The following SLC6A2 variants were observed in gnomAD, a reference collection of about 807,000 sequenced individuals.
SLC6A2 encodes the protein solute carrier family 6 member 2.
A neutral mutation model predicts 71.7 loss-of-function variants in SLC6A2; 26 were observed. The ratio of observed to expected loss-of-function variants is 0.36; its 90% CI spans 0.27 to 0.50. The LOEUF (loss-of-function observed/expected upper bound fraction) is 0.50. Among genes scored for constraint, SLC6A2 ranks in the 20% least tolerant of loss-of-function variants. SLC6A2 has a pLI of 0.96. For missense variants in SLC6A2, 581 were observed against 803.9 expected (o/e 0.72, Z 3.35); for synonymous variants, 363 against 337.9 (o/e 1.07, Z -0.82).
intron 4 of SLC6A2, among the ~76,000 whole-genome samples, chr16:55,683,607 C>G (rs1430891099): frequency 7.3e-6 from 1 of 136,496 alleles, no homozygotes; most frequent in Non-Finnish European, 1.6e-5. Flanking sequence ...TAGTGAAACT[C>G]CGTCTCAAAC....
intron 6 of SLC6A2, 150 bp from the exon 7 acceptor site, chr16:55,693,860 G>A (rs747934547): frequency 1.2e-5 from 9 of 726,968 alleles, no homozygotes; most frequent in Non-Finnish European, 2.3e-5. Flanking sequence ...GGATGCAGGG[G>A]AGGGAGTTGC....
At chr16:55,690,912 T>C (rs1965598226) in intron 5 of SLC6A2, among the ~76,000 whole-genome samples, 1 of 152,090 alleles carries the variant, frequency 6.6e-6, no homozygotes. Flanking sequence ...TCCTCCAACC[T>C]GGACAAGGGG....
In SLC6A2 at chr16:55,656,383, C is replaced by A; in HGVS notation, c.-52+214C>A. ...TTCAATCCCAGCCATTTGGGGCAGG[C>A]GAGAGTGGGTGAACGAGGAAAAGTG... On this transcript the variant is annotated intron_variant, in intron 1 of 14. Coordinates refer to ENST00000568943, the MANE Select transcript of SLC6A2 (RefSeq NM_001172501.3). This position sits in a 1 kb window ranked among gnomAD's most constrained non-coding sequence, Gnocchi z 4.5. The A allele has an allele frequency of 2.1e-6, 1 of 476,134 alleles. No homozygotes were observed. The highest frequency in any genetic ancestry group is 3.9e-6 in the Non-Finnish European group (1 of 259,296). The allele number at this position is 476,134 out of a possible 1,614,324, so 29.5% of individuals were successfully genotyped here.
intron 4 of SLC6A2, among the ~76,000 whole-genome samples, chr16:55,680,919 A>G (rs1567443190): frequency 1.3e-5 from 2 of 152,044 alleles, no homozygotes; most frequent in Non-Finnish European, 2.9e-5. Flanking sequence ...GGGAGGGGGC[A>G]TTGGTCTGGG....
intron 14 of SLC6A2, 61 bp from the exon 15 acceptor site, chr16:55,702,262 C>A (rs777044365): frequency 4.7e-5 from 73 of 1,541,380 alleles, no homozygotes; most frequent in Non-Finnish European, 6.0e-5. Context: ...CCCCCGCCAG[C>A]TGGCCCTTGC....
In SLC6A2 at chr16:55,703,153, C is replaced by A; in HGVS notation, c.*807C>A. ...CGTGGCAAGCCACATCTACTGAGGC[C>A]TCATGCTGCTCTTGCTCTGTAAGAC... On this transcript the variant is annotated 3_prime_UTR_variant, in exon 15 of 15. Transcript: ENST00000568943. 1 of 985,572 alleles carries A rather than the reference C, an allele frequency of 1.0e-6. No homozygotes were observed. The highest frequency in any genetic ancestry group is 1.2e-6 in the Non-Finnish European group (1 of 830,060). 61.1% of individuals were successfully genotyped at this position (985,572 alleles called of 1,614,324 possible).
At chr16:55,695,981 G>A (rs562126742) in intron 8 of SLC6A2, among the ~76,000 whole-genome samples, 20 of 152,232 alleles carry the variant, frequency 1.3e-4, no homozygotes, top group Admixed American at 1.0e-3. Context: ...TAGTAGGTGG[G>A]GTTTGCAGCA....
At chr16:55,699,058 AC>A (rs1366173473) in intron 11 of SLC6A2, among the ~76,000 whole-genome samples, 1 of 152,174 alleles carries the variant, frequency 6.6e-6, no homozygotes, top group Non-Finnish European at 1.5e-5. Context: ...TATTTTACAA[AC>A]CCTTAAATGT....
intron 4 of SLC6A2, among the ~76,000 whole-genome samples, chr16:55,673,593 G>A (rs1254915800): frequency 5.9e-5 from 9 of 151,556 alleles, no homozygotes; most frequent in Admixed American, 2.6e-4. Context: ...ACAGAGTCTC[G>A]GTCTGTTGCC....
chr16:55,680,970 G>A (rs1034124290), intron 4 of SLC6A2, among the ~76,000 whole-genome samples: 24 of 152,136 alleles, frequency 1.6e-4, no homozygotes, highest in African/African-American at 3.6e-4. Flanking sequence ...ATTCATTCAC[G>A]CATGCTCACA....
At position 55,701,893 on chromosome 16, in the gene SLC6A2, G is replaced by A. The variant is rs748953037; in HGVS notation, c.1789G>A (p.Glu597Lys). ...GGCCTATGGCATCACGCCAGAGAACGAGCACCACCTGGTGGCTCAGAGGGA... is the reference window on the plus strand; with the variant it reads ...GGCCTATGGCATCACGCCAGAGAACAAGCACCACCTGGTGGCTCAGAGGGA... The part of the protein sequence containing the change: ...RLAYGITPEN[E>K]HHLVAQRDIR... The change falls in exon 14 of 15, where the codon GAG (glutamate) becomes AAG (lysine). Residue 597 changes from glutamate (E) to lysine (K), a missense_variant. Glu to Lys is a moderately conservative substitution (Grantham distance 56). Transcript: ENST00000568943. 8 of 1,614,114 alleles carry A rather than the reference G, an allele frequency of 5.0e-6. No homozygotes were observed. The highest frequency in any genetic ancestry group is 1.3e-5 in the African/African-American group (1 of 75,058).
chr16:55,662,962 A>G (rs1567431083), intron 2 of SLC6A2, among the ~76,000 whole-genome samples: 2 of 152,200 alleles, frequency 1.3e-5, no homozygotes, highest in Non-Finnish European at 1.5e-5. Context: ...ATTCAATTCA[A>G]TTCTGGTGCT....
chr16:55,698,098 G>A, intron 10 of SLC6A2, 73 bp downstream of exon 10: 2 of 1,514,962 alleles, frequency 1.3e-6, no homozygotes, highest in Admixed American at 3.3e-5. Flanking sequence ...AACATTCCTA[G>A]CCTTAGAACT....
intron 4 of SLC6A2, among the ~76,000 whole-genome samples, 168 bp downstream of exon 4, chr16:55,672,343 G>T (rs1226502422): frequency 1.3e-5 from 2 of 152,186 alleles, no homozygotes; most frequent in African/African-American, 4.8e-5. Context: ...GACACGCCAC[G>T]GTCGAGGTAG....
At chr16:55,683,333 C>T (rs1341833963) in intron 4 of SLC6A2, among the ~76,000 whole-genome samples, 1 of 152,178 alleles carries the variant, frequency 6.6e-6, no homozygotes, top group African/African-American at 2.4e-5. Context: ...AAAACCAGGC[C>T]TGGCGCAGTG....
intron 7 of SLC6A2, among the ~76,000 whole-genome samples, chr16:55,694,657 G>A (rs901696548): frequency 1.3e-5 from 2 of 152,166 alleles, no homozygotes; most frequent in African/African-American, 4.8e-5. Context: ...CAGTGTCTTT[G>A]GTACATGACA....
At chr16:55,698,430 C>T in intron 10 of SLC6A2, 39 bp from the exon 11 acceptor site, 1 of 1,425,536 alleles carries the variant, frequency 7.0e-7, no homozygotes, top group African/African-American at 1.4e-5. Context: ...CCACGTTTGA[C>T]CAAAGAGGGC....
intron 8 of SLC6A2, among the ~76,000 whole-genome samples, chr16:55,695,693 A>C (rs945626716): frequency 2.0e-4 from 31 of 152,196 alleles, no homozygotes; most frequent in Admixed American, 1.8e-3. Context: ...ACCTCCACTT[A>C]GTTCTCACAA....
At position 55,685,174 on chromosome 16, in the gene SLC6A2, G is replaced by A. The variant is rs557196282; in HGVS notation, c.676G>A (p.Gly226Arg). The change falls in exon 5 of 15, where the codon GGG (glycine) becomes AGG (arginine). Residue 226 changes from glycine to arginine, a missense_variant. Coordinates refer to ENST00000568943, the MANE Select transcript of SLC6A2 (RefSeq NM_001172501.3). The stretch of plus-strand genomic sequence containing the variant: ...TGTCCTGCACCTTCACGAGAGCAGC[G>A]GGATTCATGACATCGGCCTGCCCCA... ...RGVLHLHESS[G>R]IHDIGLPQWQ... is the part of the protein sequence containing the mutation. The A allele has an allele frequency of 8.1e-6, 13 of 1,614,144 alleles. No homozygotes were observed. In the Admixed American group the frequency reaches 1.0e-4, roughly 12 times the overall value.
Sources: gnomAD v4.1 joint callset for allele counts (sites outside exome capture counted in the v4.1 genomes callset) on GRCh38, gnomAD v4.1.1 for gene constraint, Gnocchi (gnomAD v3.1) non-coding constraint, MANE v1.5 for transcripts, NCBI Gene and HGNC (gene_info 2026-07-23, HGNC 2026-07-21) for gene names.